The following IRAK3 variants were observed in gnomAD, a reference collection of about 807,000 sequenced individuals.
IRAK3 encodes interleukin-1 receptor-associated kinase 3.
In IRAK3, 57 loss-of-function variants were observed where a neutral mutation model predicts 56.6. The ratio of observed to expected loss-of-function variants is 1.01; its 90% CI spans 0.81 to 1.26. IRAK3 has a LOEUF of 1.26. Ranked by LOEUF, IRAK3 falls within the 50% of genes most tolerant of loss-of-function variation. The probability of loss-of-function intolerance (pLI) is 0.00; values close to 1 mark genes in which losing one functional copy is unlikely to be tolerated. For synonymous variants in IRAK3, 258 were observed against 255.7 expected, an observed-to-expected ratio of 1.01 and a Z score of -0.09; for missense variants, 703 against 719.0, an observed-to-expected ratio of 0.98 and a Z score of 0.25.
In IRAK3 at chr12:66,189,419, C is replaced by G; in HGVS notation, c.120C>G (p.Gly40=). The G allele has an allele frequency of 7.2e-7, 1 of 1,395,638 alleles. No individual in the cohort carries two copies. Among genetic ancestry groups the G allele is most frequent in the Non-Finnish European group, 9.3e-7 (1 of 1,073,124 alleles). The allele number at this position is 1,395,638 out of a possible 1,614,324, so 86.5% of individuals were successfully genotyped here. Reference sequence around the variant, plus strand: ...TGGACAGCTGCGACGGCGCGCTGGGCTGGCGCGGCCTGGGTGAGTCGGCGG... The same window carrying G: ...TGGACAGCTGCGACGGCGCGCTGGGGTGGCGCGGCCTGGGTGAGTCGGCGG... The part of the protein sequence containing the change: ...AVLDSCDGAL[G]WRGLAERLSS... Residue 40 remains glycine (G), a synonymous_variant, in exon 1 of 12, where the codon GGC becomes GGG. Transcript: ENST00000261233.
chr12:66,234,694 A>G, intron 8 of IRAK3: 4 of 1,607,354 alleles, frequency 2.5e-6, no homozygotes, highest in Non-Finnish European at 3.4e-6. Context: ...TTCCATTAAA[A>G]TGACCAGTAA....
rs1362301269 is a variant in IRAK3 at position 66,216,803 on chromosome 12, A to G, written c.589-368A>G. 3.9e-5 allele frequency among the ~76,000 whole-genome samples: 6 copies of G among 152,264 alleles called. No homozygotes were observed. The South Asian group carries it at 1.2e-3, about 31-fold the overall frequency. ...CAAATTAGTGAAATTTTGTAGCAGA[A>G]TAGAAATAACACAAGTTGGATTCTT... On this transcript the variant is annotated intron_variant, in intron 5 of 11. Transcript: ENST00000261233.
chr12:66,237,574 G>T (rs2052921596), intron 8 of IRAK3, among the ~76,000 whole-genome samples: 1 of 152,140 alleles, frequency 6.6e-6, no homozygotes, highest in South Asian at 2.1e-4. Flanking sequence ...AAAATAGTGG[G>T]GCTAGGTGTT....
chr12:66,251,569 A>G lies in IRAK3; in HGVS notation c.*3398A>G, dbSNP rs1266933196. 4.6e-5 allele frequency: 7 copies of G among 152,136 alleles called. No homozygotes were observed. The highest frequency in any genetic ancestry group is 7.4e-5 in the Non-Finnish European group (5 of 68,026). The allele number at this position is 152,136 out of a possible 1,614,324, so 9.4% of individuals were successfully genotyped here. ...TAATGCCCAAACACATGGAGAAAAC[A>G]TTTTGTTGTTTTTAAAAACAGGTAT... On this transcript the variant is annotated 3_prime_UTR_variant, in exon 12 of 12. Transcript: ENST00000261233.
intron 2 of IRAK3, among the ~76,000 whole-genome samples, chr12:66,204,768 G>A (rs1313144881): frequency 7.6e-6 from 1 of 132,348 alleles, no homozygotes; most frequent in Non-Finnish European, 1.6e-5. Flanking sequence ...TAGTGCGCAT[G>A]AGCCCTTGCG....
chr12:66,218,120 C>T (rs2052696298), intron 6 of IRAK3, among the ~76,000 whole-genome samples: 1 of 152,146 alleles, frequency 6.6e-6, no homozygotes, highest in Non-Finnish European at 1.5e-5. Flanking sequence ...TCCAACCACC[C>T]AGCTGATCTT....
intron 8 of IRAK3, among the ~76,000 whole-genome samples, chr12:66,238,770 A>G (rs1315201845): frequency 6.6e-6 from 1 of 152,216 alleles, no homozygotes. Context: ...GGTGTTTTCA[A>G]CAAGTCTGGG....
Position 66,209,474 on chromosome 12 carries a change from C to T in IRAK3, c.335C>T (p.Ser112Leu), listed in dbSNP as rs1245802559. The T allele has an allele frequency of 6.2e-7, 1 of 1,606,406 alleles. No individual in the cohort carries two copies. Among genetic ancestry groups the T allele is most frequent in the Admixed American group, 1.7e-5 (1 of 59,978 alleles). ...ITNYGAVLSP[S>L]EKSYQEGGFP... is the part of the protein sequence containing the mutation. The stretch of plus-strand genomic sequence containing the variant: ...CTTTCAGGAGCAGTGTTGAGTCCTT[C>T]AGAGAAGAGTTATCAGGAAGGTGGA... The change falls in exon 3 of 12, where the codon TCA (serine) becomes TTA (leucine). Residue 112 changes from serine to leucine, a missense_variant. By Grantham distance (145) the Ser-to-Leu change is moderately radical. Coordinates refer to ENST00000261233, the MANE Select transcript of IRAK3 (RefSeq NM_007199.3).
intron 1 of IRAK3, among the ~76,000 whole-genome samples, chr12:66,191,889 C>T (rs1022897036): frequency 1.3e-5 from 2 of 152,152 alleles, no homozygotes; most frequent in African/African-American, 4.8e-5. Context: ...TCTCTCGAGC[C>T]GATCGTGATT....
intron 2 of IRAK3, among the ~76,000 whole-genome samples, chr12:66,206,452 A>G (rs2052559016): frequency 6.6e-6 from 1 of 152,088 alleles, no homozygotes; most frequent in Non-Finnish European, 1.5e-5. Context: ...GATTTTTCAG[A>G]TGCTTTTTTG....
chr12:66,240,163 T>G (rs1380683069), intron 8 of IRAK3, among the ~76,000 whole-genome samples: 1 of 152,146 alleles, frequency 6.6e-6, no homozygotes, highest in Non-Finnish European at 1.5e-5. Flanking sequence ...CCTCTGTGAG[T>G]GTCACTCCTT....
At chr12:66,208,693 G>A (rs1315776133) in intron 2 of IRAK3, among the ~76,000 whole-genome samples, 4 of 151,632 alleles carry the variant, frequency 2.6e-5, no homozygotes, top group African/African-American at 7.3e-5. Context: ...CCCAGGAGGC[G>A]GAGGTTGCAG....
intron 6 of IRAK3, among the ~76,000 whole-genome samples, chr12:66,218,423 A>G (rs1434534932): frequency 6.6e-6 from 1 of 152,164 alleles, no homozygotes; most frequent in East Asian, 1.9e-4. Context: ...CTGTAAAATA[A>G]ATTCTCATAA....
rs1464670470 is a variant in IRAK3, at chr12:66,248,891, T to C, written c.*720T>C. The C allele has an allele frequency of 6.6e-6, 1 of 152,206 alleles. No individual in the cohort carries two copies. Among genetic ancestry groups the C allele is most frequent in the African/African-American group, 2.4e-5 (1 of 41,452 alleles). 9.4% of individuals were successfully genotyped at this position (152,206 alleles called of 1,614,324 possible). On this transcript the variant is annotated 3_prime_UTR_variant, in exon 12 of 12. Coordinates refer to ENST00000261233, the MANE Select transcript of IRAK3 (RefSeq NM_007199.3). ...ACTATGTGAAATGTCCATCAAGTAATTTTTATTCCTGAGAAAATGGCTGGT... is the reference window on the plus strand; with the variant it reads ...ACTATGTGAAATGTCCATCAAGTAACTTTTATTCCTGAGAAAATGGCTGGT...
chr12:66,234,249 GT>G, intron 8 of IRAK3: 1 of 1,613,526 alleles, frequency 6.2e-7, no homozygotes, highest in Non-Finnish European at 8.5e-7. Flanking sequence ...GTGCTGCCTA[GT>G]GACAGATGAC....
chr12:66,227,838 G>A (rs1048127980), intron 7 of IRAK3, among the ~76,000 whole-genome samples: 14 of 151,740 alleles, frequency 9.2e-5, no homozygotes, highest in African/African-American at 2.7e-4. Context: ...ATGATTCCTC[G>A]TTAGATGTCT....
At chr12:66,207,181 T>C (rs866621695) in intron 2 of IRAK3, among the ~76,000 whole-genome samples, 3 of 152,250 alleles carry the variant, frequency 2.0e-5, no homozygotes, top group South Asian at 4.1e-4. Flanking sequence ...TAAAAAATCT[T>C]CTATTTCGGC....
At chr12:66,200,517 G>A (rs150540341) in intron 1 of IRAK3, among the ~76,000 whole-genome samples, 1 of 152,176 alleles carries the variant, frequency 6.6e-6, no homozygotes, top group African/African-American at 2.4e-5. Context: ...GGAAGTATTG[G>A]CAGCACTAGT....
intron 1 of IRAK3, among the ~76,000 whole-genome samples, chr12:66,194,386 G>A (rs189032454): frequency 6.6e-6 from 1 of 152,128 alleles, no homozygotes; most frequent in African/African-American, 2.4e-5. Context: ...TCCAGTCAGG[G>A]TTTCACCTCC....
Sources: allele counts gnomAD v4.1 joint callset (sites outside exome capture counted in the v4.1 genomes callset), GRCh38; gene constraint gnomAD v4.1.1; transcripts MANE v1.5; gene names NCBI Gene and HGNC (gene_info 2026-07-23, HGNC 2026-07-21).